Variants in SARDH observed in about 807,000 individuals in gnomAD.
SARDH encodes sarcosine dehydrogenase.
SARDH carries 95 observed loss-of-function variants against 109.1 expected under a neutral mutation model. The ratio of observed to expected loss-of-function variants is 0.87; its 90% CI spans 0.74 to 1.03. The LOEUF is 1.03. SARDH is among the 50% of genes least tolerant of loss of function. The pLI is 0.00. For missense variants in SARDH, 1,267 were observed against 1,287.8 expected (o/e 0.98, Z 0.25); for synonymous variants, 572 against 534.8 (o/e 1.07, Z -0.96).
chr9:133,692,008 A>C lies in SARDH; in HGVS notation c.1922-1481T>G, dbSNP rs910052007. 1.6e-4 allele frequency among the ~76,000 whole-genome samples: 24 copies of C among 152,162 alleles called. No homozygotes were observed. The highest frequency in any genetic ancestry group is 5.8e-4 in the African/African-American group (24 of 41,422). ...GGAAAGCTAATTGTGCACCACTGGGAGATGGCTCAGCGTTGAAAGCACTTT... is the reference window on the plus strand; with the variant it reads ...GGAAAGCTAATTGTGCACCACTGGGCGATGGCTCAGCGTTGAAAGCACTTT... On this transcript the variant is annotated intron_variant, in intron 15 of 20. Transcript: ENST00000439388. This position sits in a 1 kb window ranked among gnomAD's most constrained non-coding sequence, Gnocchi z 5.0.
At position 133,717,403 on chromosome 9, in the gene SARDH, GT is replaced by G; in HGVS notation, c.1072del (p.Thr358ProfsTer36). 1 of 1,614,148 alleles carries G rather than the reference GT, an allele frequency of 6.2e-7. No individual in the cohort carries two copies. Among genetic ancestry groups the G allele is most frequent in the South Asian group, 1.1e-5 (1 of 91,080 alleles). ...GTTGATGGCGCCTTCAATGTGCTGG[GT>G]GAACACCTCCCAGTCCAGGTCAAAG... ...GLFDLDWEVF[T>X]QHIEGAINRV... is the part of the protein sequence containing the mutation. On this transcript the variant is annotated frameshift_variant, in exon 8 of 21. Coordinates refer to ENST00000439388, the MANE Select transcript of SARDH (RefSeq NM_001134707.2). LOFTEE classifies it high-confidence loss of function.
At chr9:133,672,447 G>A (rs1830383369) in intron 17 of SARDH, among the ~76,000 whole-genome samples, 1 of 152,202 alleles carries the variant, frequency 6.6e-6, no homozygotes, top group Non-Finnish European at 1.5e-5. Flanking sequence ...ACCCTTCCTT[G>A]TCTGTAAGAT....
At chr9:133,729,976 C>T (rs1234879312) in intron 5 of SARDH, 88 bp downstream of exon 5, 6 of 1,592,570 alleles carry the variant, frequency 3.8e-6, no homozygotes, top group African/African-American at 1.3e-5. Flanking sequence ...GGGCTCCCCA[C>T]CCCAGAAAGA....
At chr9:133,697,383 T>C (rs1438378874) in intron 13 of SARDH, among the ~76,000 whole-genome samples, 1 of 152,198 alleles carries the variant, frequency 6.6e-6, no homozygotes, top group Non-Finnish European at 1.5e-5. Context: ...TCCCAAACTC[T>C]TCCAAAAAAT....
intron 17 of SARDH, among the ~76,000 whole-genome samples, chr9:133,681,515 C>A (rs887114007): frequency 2.0e-5 from 3 of 152,296 alleles, no homozygotes; most frequent in South Asian, 4.1e-4. Flanking sequence ...CTTCCTGGGC[C>A]CCAACCTCAC....
intron 17 of SARDH, among the ~76,000 whole-genome samples, chr9:133,679,136 G>A (rs129891): frequency 0.47 from 71,383 of 152,052 alleles, 18,951 homozygotes; most frequent in African/African-American, 0.74. Flanking sequence ...TCACACTATC[G>A]TGGCAACAGC....
At position 133,671,550 on chromosome 9, in the gene SARDH, G is replaced by A. The variant is rs1232566376; in HGVS notation, c.2311C>T (p.Leu771=). The A allele has an allele frequency of 6.2e-7, 1 of 1,608,094 alleles. No individual in the cohort carries two copies. The highest frequency in any genetic ancestry group is 2.2e-5 in the East Asian group (1 of 44,702). ...INAGYRAIDS[L]SIEKGYRHWH... ...CTGCACTCACCTTTCTCAATGCTCA[G>A]GGAGTCGATGGCGCGGTACCCTGCG... is the stretch of plus-strand genomic sequence containing the variant. Residue 771 remains leucine, a synonymous_variant, in exon 18 of 21, where the codon CTG becomes TTG. Coordinates refer to ENST00000439388, the MANE Select transcript of SARDH (RefSeq NM_001134707.2).
At chr9:133,736,865 C>T (rs978753676) in intron 1 of SARDH, among the ~76,000 whole-genome samples, 5 of 152,336 alleles carry the variant, frequency 3.3e-5, no homozygotes, top group East Asian at 3.9e-4. Context: ...GTGCCACCTA[C>T]GTCAGTATGA....
At chr9:133,682,020 G>A (rs1414952335) in intron 17 of SARDH, among the ~76,000 whole-genome samples, 5 of 152,206 alleles carry the variant, frequency 3.3e-5, no homozygotes, top group South Asian at 4.1e-4. Flanking sequence ...GCAGAAATAC[G>A]GAAGGACAGA....
rs1191651884 is a variant in SARDH, at chr9:133,717,450, T to G, written c.1026A>C (p.Ser342=). The part of the protein sequence containing the change: ...EANPIFWEEV[S]DKFAFGLFDL... The stretch of plus-strand genomic sequence containing the variant: ...CAAAGAGGCCGAAGGCAAACTTGTC[T>G]GACACCTGCCAAGGCAGGGCAGGGG... Residue 342 remains serine (S), a synonymous_variant, in exon 8 of 21, where the codon TCA becomes TCC. Transcript: ENST00000439388. The G allele has an allele frequency of 1.2e-6, 2 of 1,614,082 alleles. No homozygotes were observed. Among genetic ancestry groups the G allele is most frequent in the Non-Finnish European group, 1.7e-6 (2 of 1,179,974 alleles).
At chr9:133,665,698 G>C (rs955481845) in intron 20 of SARDH, among the ~76,000 whole-genome samples, 4 of 152,230 alleles carry the variant, frequency 2.6e-5, no homozygotes, top group Non-Finnish European at 1.5e-5. Flanking sequence ...TCTTGCCCGA[G>C]GCCTGGCGGT....
chr9:133,682,204 A>G (rs129897), intron 17 of SARDH, among the ~76,000 whole-genome samples: 71,813 of 151,862 alleles, frequency 0.47, 19,186 homozygotes, highest in African/African-American at 0.74. Context: ...GGTGTGAAAC[A>G]CATGAGCAGG....
rs1451904478 is a variant in SARDH at position 133,666,141 on chromosome 9, AG to A, written c.2631+593del. Among the ~76,000 whole-genome samples, 1 of 151,918 alleles carries A rather than the reference AG, an allele frequency of 6.6e-6. No individual in the cohort carries two copies. The highest frequency in any genetic ancestry group is 1.5e-5 in the Non-Finnish European group (1 of 67,962). ...CAGCCTGTTCCTGCCTCCTGCAGCC[AG>A]GGGTCAGGGTCACCTGGAGGGGGTG... On this transcript the variant is annotated intron_variant, in intron 20 of 20. Transcript: ENST00000439388. This position sits in a 1 kb window ranked among gnomAD's most constrained non-coding sequence, Gnocchi z 5.2.
upstream of SARDH, among the ~76,000 whole-genome samples, chr9:133,738,600 A>G (rs1319212246): frequency 6.6e-6 from 1 of 152,168 alleles, no homozygotes; most frequent in Admixed American, 6.5e-5. Flanking sequence ...CAGGCGCCTC[A>G]GGGTTGCTGC....
intron 17 of SARDH, among the ~76,000 whole-genome samples, chr9:133,683,119 G>A (rs1830758075): frequency 6.6e-6 from 1 of 152,206 alleles, no homozygotes; most frequent in Admixed American, 6.5e-5. Flanking sequence ...GCAAGCACCT[G>A]GCCTGGCCTG....
intron 8 of SARDH, among the ~76,000 whole-genome samples, chr9:133,714,422 G>T (rs988812300): frequency 4.6e-5 from 7 of 152,190 alleles, no homozygotes; most frequent in Admixed American, 3.9e-4. Flanking sequence ...GAGGGCAGAG[G>T]CCGGAGCAGC....
chr9:133,711,511 GCT>G (rs1441685707), intron 10 of SARDH, among the ~76,000 whole-genome samples: 5 of 152,358 alleles, frequency 3.3e-5, no homozygotes, highest in African/African-American at 1.2e-4. Flanking sequence ...GCCCAGACGG[GCT>G]CTGAGTCAGC....
At chr9:133,673,247 G>A (rs1395157151) in intron 17 of SARDH, among the ~76,000 whole-genome samples, 1 of 152,258 alleles carries the variant, frequency 6.6e-6, no homozygotes, top group Non-Finnish European at 1.5e-5. Flanking sequence ...CAGGTGCGTG[G>A]CACGTCCACA....
chr9:133,695,096 T>C (rs1395651854), intron 14 of SARDH, among the ~76,000 whole-genome samples: 1 of 152,162 alleles, frequency 6.6e-6, no homozygotes, highest in Non-Finnish European at 1.5e-5. Flanking sequence ...AATGAGGTCT[T>C]TGCAGATATG....
Sources: gnomAD v4.1 joint callset for allele counts (sites outside exome capture counted in the v4.1 genomes callset) on GRCh38, gnomAD v4.1.1 for gene constraint, Gnocchi (gnomAD v3.1) non-coding constraint, MANE v1.5 for transcripts, NCBI Gene and HGNC (gene_info 2026-07-23, HGNC 2026-07-21) for gene names.